Variants in HIGD1B observed in about 807,000 individuals in gnomAD.
The protein encoded by HIGD1B is HIG1 hypoxia inducible domain family member 1B, also known as HIG1 domain family member 1B.
HIGD1B carries 9 observed loss-of-function variants against 8.8 expected under a neutral mutation model. The observed-to-expected ratio is 1.02, with a 90% CI of 0.62 to 1.78. The LOEUF (loss-of-function observed/expected upper bound fraction) is 1.78, where lower values mean the gene tolerates loss of function less well. Ranked by LOEUF, HIGD1B falls within the 40% of genes most tolerant of loss-of-function variation. The pLI, the probability that HIGD1B is intolerant of heterozygous loss-of-function variation, is 0.00. For missense variants in HIGD1B, 126 were observed against 111.8 expected (o/e 1.13, Z -0.57); for synonymous variants, 47 against 38.8 (o/e 1.21, Z -0.78).
At position 44,850,366 on chromosome 17, in the gene HIGD1B, G is replaced by C; in HGVS notation, c.270G>C (p.Lys90Asn). 1 of 1,613,500 alleles carries C rather than the reference G, an allele frequency of 6.2e-7. No individual in the cohort carries two copies. The highest frequency in any genetic ancestry group is 8.5e-7 in the Non-Finnish European group (1 of 1,179,636). The change falls in exon 3 of 3, where the codon AAG becomes AAC. Residue 90 changes from lysine to asparagine, a missense_variant. Physicochemically the swap from Lys to Asn is moderately conservative, Grantham distance 94 (BLOSUM62 0). Coordinates refer to ENST00000253410, the MANE Select transcript of HIGD1B (RefSeq NM_016438.4). The stretch of plus-strand genomic sequence containing the variant: ...ACACAATGTACAGCGATTACGTCAA[G>C]AGGATGGCACAGGATGCTGGAGAGA... ...AVYTMYSDYV[K>N]RMAQDAGEK
rs1358851487 is a variant in HIGD1B at position 44,849,755 on chromosome 17, T to C, written c.235+367T>C. Among the ~76,000 whole-genome samples, 4 of 109,426 alleles carry C rather than the reference T, an allele frequency of 3.7e-5. No homozygotes were observed. In the Admixed American group the frequency reaches 4.1e-4, roughly 11 times the overall value. 71.8% of individuals were successfully genotyped at this position (109,426 alleles called of 152,430 possible). On this transcript the variant is annotated intron_variant, in intron 2 of 2. Transcript: ENST00000253410. ...GCCCGGGTGACAGAGTGAGACTCTGTCTCAAAAAAAAAAAAAAAAAAAAAA... is the reference window on the plus strand; with the variant it reads ...GCCCGGGTGACAGAGTGAGACTCTGCCTCAAAAAAAAAAAAAAAAAAAAAA...
upstream of HIGD1B, among the ~76,000 whole-genome samples, chr17:44,847,678 G>T (rs1316799238): frequency 1.3e-5 from 2 of 152,194 alleles, no homozygotes; most frequent in Non-Finnish European, 2.9e-5. Flanking sequence ...ACACTATCTG[G>T]TCTAGGACAT....
At chr17:44,846,797 A>T (rs2050327021), upstream of HIGD1B, among the ~76,000 whole-genome samples, 3 of 124,514 alleles carry the variant, frequency 2.4e-5, no homozygotes, top group South Asian at 8.1e-4. Context: ...AAAAAAAAAA[A>T]AGAAGAAAAA....
At chr17:44,847,859 G>T, upstream of HIGD1B, 1 of 288,886 alleles carries the variant, frequency 3.5e-6, no homozygotes, top group Admixed American at 4.9e-5. Context: ...GGATGCAGAT[G>T]GGGGAAGGGG....
At chr17:44,850,135 TG>T (rs2050413765) in intron 2 of HIGD1B, 196 bp from the exon 3 acceptor site, 1 of 543,784 alleles carries the variant, frequency 1.8e-6, no homozygotes, top group South Asian at 2.4e-5. Flanking sequence ...AAGTGTTTCG[TG>T]AACTGTCAGA....
chr17:44,849,255 C>A lies in HIGD1B; in HGVS notation c.102C>A (p.Gly34=). ...KTRESPLVPI[G]LGGCLVVAAY... ...AGGGGCTGTGTTCTCTGCCCACAGG[C>A]TTAGGAGGCTGCTTGGTGGTAGCAG... The change falls in exon 2 of 3, where the codon GGC becomes GGA. Residue 34 remains glycine, a splice_region_variant and synonymous_variant. Transcript: ENST00000253410. 1.2e-6 allele frequency: 2 copies of A among 1,613,880 alleles called. No homozygotes were observed. Among genetic ancestry groups the A allele is most frequent in the Non-Finnish European group, 8.5e-7 (1 of 1,179,912 alleles).
At chr17:44,849,010 G>A in intron 1 of HIGD1B, 1 of 407,596 alleles carries the variant, frequency 2.5e-6, no homozygotes, top group Non-Finnish European at 4.5e-6. Context: ...CCCAACTTCA[G>A]GTGATCCACC....
intron 2 of HIGD1B, 124 bp downstream of exon 2, chr17:44,849,512 A>C: frequency 1.7e-6 from 2 of 1,168,376 alleles, no homozygotes; most frequent in Non-Finnish European, 2.4e-6. Context: ...CTGTAATCTC[A>C]ACACTTTGGG....
upstream of HIGD1B, among the ~76,000 whole-genome samples, chr17:44,847,580 A>G (rs1292639055): frequency 6.6e-6 from 1 of 152,270 alleles, no homozygotes; most frequent in Non-Finnish European, 1.5e-5. Context: ...TGTGTTCCTT[A>G]GTACTCATGT....
At chr17:44,849,162 C>A in intron 1 of HIGD1B, 92 bp from the exon 2 acceptor site, 71 of 1,379,708 alleles carry the variant, frequency 5.1e-5, no homozygotes, top group Admixed American at 5.7e-5. Flanking sequence ...AGCTGTTTAT[C>A]CAGATGCCCA....
At chr17:44,848,732 G>A (rs1482403527) in intron 1 of HIGD1B, among the ~76,000 whole-genome samples, 2 of 150,900 alleles carry the variant, frequency 1.3e-5, no homozygotes, top group Non-Finnish European at 3.0e-5. Flanking sequence ...GTCACGGGAG[G>A]GAGGCAGCCA....
intron 2 of HIGD1B, among the ~76,000 whole-genome samples, 187 bp downstream of exon 2, chr17:44,849,575 C>G (rs1019480897): frequency 6.6e-6 from 1 of 152,014 alleles, no homozygotes; most frequent in African/African-American, 2.4e-5. Flanking sequence ...TCCTGGCCAA[C>G]ATGGTGAAAC....
At position 44,849,428 on chromosome 17, in the gene HIGD1B, G is replaced by T. The variant is rs73984095; in HGVS notation, c.235+40G>T. On this transcript the variant is annotated intron_variant, in intron 2 of 2. Coordinates refer to ENST00000253410, the MANE Select transcript of HIGD1B (RefSeq NM_016438.4). ...GGGGTCGCAGAATGAGGGCAAAACC[G>T]ATTATGCAGTTTGTAGGTCTTTAAG... 1,808 of 1,610,904 alleles carry T rather than the reference G, an allele frequency of 1.1e-3. 15 individuals are homozygous for T. In the African/African-American group the frequency reaches 0.022, roughly 19 times the overall value.
upstream of HIGD1B, among the ~76,000 whole-genome samples, chr17:44,845,131 G>A (rs965636430): frequency 2.6e-5 from 4 of 151,822 alleles, no homozygotes; most frequent in African/African-American, 2.4e-5. Context: ...GGTGGCAGGC[G>A]CCTGTAATCC....
Position 44,848,056 on chromosome 17 carries a change from C to T in HIGD1B, c.-97C>T, listed in dbSNP as rs2050342418. On this transcript the variant is annotated 5_prime_UTR_variant, in exon 1 of 3. Coordinates refer to ENST00000253410, the MANE Select transcript of HIGD1B (RefSeq NM_016438.4). ...TTAGCAGGTAACCTTCCTTTCCTCT[C>T]CAGACTGAGGAATCAGAGTTCTGAT... is the stretch of plus-strand genomic sequence containing the variant. The T allele has an allele frequency of 1.4e-6, 1 of 721,492 alleles. No individual in the cohort carries two copies. Among genetic ancestry groups the T allele is most frequent in the African/African-American group, 1.8e-5 (1 of 56,802 alleles). 44.7% of individuals were successfully genotyped at this position (721,492 alleles called of 1,614,324 possible). A position where few individuals can be genotyped will look rare whatever the true frequency, so the allele number is the denominator to read the frequency against.
chr17:44,850,177 T>G (rs1445095492), intron 2 of HIGD1B, 155 bp from the exon 3 acceptor site: 7 of 593,294 alleles, frequency 1.2e-5, no homozygotes, highest in Non-Finnish European at 2.1e-5. Flanking sequence ...TGTGGTCAGA[T>G]GCTTGAAGCA....
intron 1 of HIGD1B, among the ~76,000 whole-genome samples, 184 bp downstream of exon 1, chr17:44,848,436 TG>T (rs1336388893): frequency 6.6e-6 from 1 of 152,046 alleles, no homozygotes; most frequent in Non-Finnish European, 1.5e-5. Flanking sequence ...TCTGGATGGG[TG>T]GAGGTGGCAG....
chr17:44,849,128 C>T (rs1377334717), intron 1 of HIGD1B, 126 bp from the exon 2 acceptor site: 7 of 1,176,442 alleles, frequency 6.0e-6, no homozygotes, highest in East Asian at 2.5e-5. Flanking sequence ...GCCCACCCCC[C>T]GCCACCAGAT....
chr17:44,847,901 T>C lies in HIGD1B; in HGVS notation c.-252T>C. ...AGAAAGCAGTGAAGACAGAATGAGC[T>C]GGGGAAGAGGCAGATGGTAGGAAAT... is the stretch of plus-strand genomic sequence containing the variant. On this transcript the variant is annotated 5_prime_UTR_variant, in exon 1 of 3. Transcript: ENST00000253410. 2.5e-6 allele frequency: 1 copy of C among 393,266 alleles called. No homozygotes were observed. The highest frequency in any genetic ancestry group is 3.2e-5 in the South Asian group (1 of 31,370). The allele number at this position is 393,266 out of a possible 1,614,324, so 24.4% of individuals were successfully genotyped here. A position where few individuals can be genotyped will look rare whatever the true frequency, so the allele number is the denominator to read the frequency against.
Sources: gnomAD v4.1 joint callset for allele counts (sites outside exome capture counted in the v4.1 genomes callset) on GRCh38, gnomAD v4.1.1 for gene constraint, MANE v1.5 for transcripts, NCBI Gene and HGNC (gene_info 2026-07-23, HGNC 2026-07-21) for gene names.